Variants in TENM4 observed in about 807,000 individuals in gnomAD.
TENM4 encodes the protein teneurin-4.
TENM4 carries 82 observed loss-of-function variants against 243.3 expected under a neutral mutation model. The ratio of observed to expected loss-of-function variants is 0.34; its 90% CI spans 0.28 to 0.40. The LOEUF (loss-of-function observed/expected upper bound fraction) is 0.40, where lower values mean the gene tolerates loss of function less well. Ranked by LOEUF, TENM4 falls within the 10% of genes least tolerant of loss-of-function variation. TENM4 has a pLI of 1.00. For missense variants in TENM4, 3,138 were observed against 3,673.3 expected (o/e 0.85, Z 3.77); for synonymous variants, 1,412 against 1,456.3 (o/e 0.97, Z 0.69).
At chr11:79,344,724 C>T (rs1409962076) in intron 1 of TENM4, among the ~76,000 whole-genome samples, 1 of 152,194 alleles carries the variant, frequency 6.6e-6, no homozygotes. Flanking sequence ...CAGGAAAAAC[C>T]AGCAGTGCAA....
intron 4 of TENM4, among the ~76,000 whole-genome samples, chr11:79,141,781 T>G (rs1862288956): frequency 6.6e-6 from 1 of 151,996 alleles, no homozygotes; most frequent in Non-Finnish European, 1.5e-5. Flanking sequence ...AACAACTCAT[T>G]AAAAAGATCA....
chr11:79,222,015 G>A (rs1284617398), intron 2 of TENM4, among the ~76,000 whole-genome samples: 1 of 152,110 alleles, frequency 6.6e-6, no homozygotes, highest in Non-Finnish European at 1.5e-5. Flanking sequence ...CACACGAGTG[G>A]TCCTCAACAT....
At chr11:79,025,544 AG>A (rs1859056993) in intron 6 of TENM4, among the ~76,000 whole-genome samples, 1 of 152,190 alleles carries the variant, frequency 6.6e-6, no homozygotes, top group Admixed American at 6.5e-5. Flanking sequence ...TAGCTCATTT[AG>A]CCTTTGGCAA....
chr11:79,417,516 T>A (rs751366490), intron 1 of TENM4, among the ~76,000 whole-genome samples: 2 of 152,076 alleles, frequency 1.3e-5, no homozygotes, highest in African/African-American at 2.4e-5. Flanking sequence ...GAGCTGTACC[T>A]GAGTAGAAGA....
At chr11:78,939,764 A>C (rs1412742716) in intron 6 of TENM4, among the ~76,000 whole-genome samples, 2 of 152,194 alleles carry the variant, frequency 1.3e-5, no homozygotes, top group African/African-American at 4.8e-5. Context: ...AGGTATAATC[A>C]CTGTTATTGT....
chr11:78,947,115 A>T (rs1857015386), intron 6 of TENM4, among the ~76,000 whole-genome samples: 1 of 152,238 alleles, frequency 6.6e-6, no homozygotes, highest in Non-Finnish European at 1.5e-5. Flanking sequence ...TGTACAGAGA[A>T]ATCTTTCAGG....
At chr11:78,829,627 C>G (rs550786200) in intron 12 of TENM4, among the ~76,000 whole-genome samples, 2 of 152,188 alleles carry the variant, frequency 1.3e-5, no homozygotes, top group African/African-American at 4.8e-5. Flanking sequence ...TCTGGGGGTT[C>G]TAATTCTACT....
chr11:78,995,955 C>T (rs1399309384), intron 6 of TENM4, among the ~76,000 whole-genome samples: 1 of 151,924 alleles, frequency 6.6e-6, no homozygotes, highest in Non-Finnish European at 1.5e-5. Context: ...GAGTGGTTCC[C>T]ATTGAGCCTA....
At chr11:79,386,761 TTA>T (rs200668701) in intron 1 of TENM4, among the ~76,000 whole-genome samples, 116 of 113,872 alleles carry the variant, frequency 1.0e-3, no homozygotes, top group Non-Finnish European at 9.8e-4. Context: ...TTTTTTTTTT[TTA>T]AGTGAGCAAA....
At chr11:78,836,486 GA>G (rs1858120102) in intron 12 of TENM4, among the ~76,000 whole-genome samples, 1 of 151,834 alleles carries the variant, frequency 6.6e-6, no homozygotes, top group Non-Finnish European at 1.5e-5. Context: ...GATCAAAAAG[GA>G]AAAAAGAAAA....
chr11:79,397,933 C>T (rs1397109230), intron 1 of TENM4, among the ~76,000 whole-genome samples: 1 of 152,112 alleles, frequency 6.6e-6, no homozygotes, highest in East Asian at 1.9e-4. Context: ...CCATGCAAGG[C>T]CCATTTATAT....
chr11:79,357,249 A>T (rs1460676082), intron 1 of TENM4, among the ~76,000 whole-genome samples: 5 of 152,232 alleles, frequency 3.3e-5, no homozygotes, highest in Non-Finnish European at 7.3e-5. Context: ...AAGCAATGGC[A>T]TGATCTCCAA....
intron 9 of TENM4, among the ~76,000 whole-genome samples, chr11:78,887,732 T>A (rs1855577744): frequency 6.6e-6 from 1 of 152,226 alleles, no homozygotes; most frequent in African/African-American, 2.4e-5. Context: ...TTTAAATAGC[T>A]GAAGACTAAT....
chr11:79,139,667 T>C (rs1412920273), intron 4 of TENM4, among the ~76,000 whole-genome samples: 5 of 98,240 alleles, frequency 5.1e-5, no homozygotes, highest in African/African-American at 2.2e-4. Context: ...ATATAAAATA[T>C]ATATATTTTA....
At chr11:78,920,103 G>T (rs1476359355) in intron 6 of TENM4, among the ~76,000 whole-genome samples, 2 of 152,306 alleles carry the variant, frequency 1.3e-5, no homozygotes, top group Admixed American at 1.3e-4. Context: ...AGGTGCGAAT[G>T]TTAGTGAACA....
At chr11:79,402,936 A>C (rs1325735470) in intron 1 of TENM4, among the ~76,000 whole-genome samples, 2 of 152,192 alleles carry the variant, frequency 1.3e-5, no homozygotes, top group East Asian at 3.9e-4. Context: ...AAGGATGTGG[A>C]CTTTTTTTTC....
chr11:79,107,095 G>C lies in TENM4; in HGVS notation c.-65-37086C>G, dbSNP rs140265943. On this transcript the variant is annotated intron_variant, in intron 4 of 33. Transcript: ENST00000278550. ...TCTATCATCCCCATTTTATGGATGAGGAACAGGTGGCACAGAGAGGTTAAC... is the reference window on the plus strand; with the variant it reads ...TCTATCATCCCCATTTTATGGATGACGAACAGGTGGCACAGAGAGGTTAAC... Among the ~76,000 whole-genome samples the C allele has an allele frequency of 3.5e-3, 528 of 152,210 alleles. 4 individuals are homozygous for C. The highest frequency in any genetic ancestry group is 0.01 in the Middle Eastern group (3 of 294).
chr11:79,419,419 C>A (rs112708721), intron 1 of TENM4, among the ~76,000 whole-genome samples: 6 of 152,168 alleles, frequency 3.9e-5, no homozygotes, highest in African/African-American at 1.4e-4. Flanking sequence ...CCCTTAGCAC[C>A]CACGGCACGG....
At chr11:79,420,865 C>T (rs951567155) in intron 1 of TENM4, among the ~76,000 whole-genome samples, 4 of 152,180 alleles carry the variant, frequency 2.6e-5, no homozygotes, top group African/African-American at 9.7e-5. Flanking sequence ...AGGTTCAATG[C>T]TAATTCCACC....
Sources: allele counts gnomAD v4.1 joint callset (sites outside exome capture counted in the v4.1 genomes callset), GRCh38; gene constraint gnomAD v4.1.1; transcripts MANE v1.5; gene names NCBI Gene and HGNC (gene_info 2026-07-23, HGNC 2026-07-21).